Variants in MED12L observed in about 807,000 individuals in gnomAD.
MED12L encodes mediator of RNA polymerase II transcription subunit 12-like protein.
In MED12L, 60 loss-of-function variants were observed where a neutral mutation model predicts 281.3. The observed-to-expected ratio is 0.21, with a 90% CI of 0.17 to 0.26. MED12L has a LOEUF of 0.26. Among genes scored for constraint, MED12L ranks in the 10% least tolerant of loss-of-function variants. The pLI is 1.00. For synonymous variants in MED12L, 974 were observed against 987.2 expected (o/e 0.99, Z 0.25); for missense variants, 2,146 against 2,680.9 (o/e 0.80, Z 4.41).
At chr3:151,148,948 G>A (rs934511034) in intron 5 of MED12L, among the ~76,000 whole-genome samples, 3 of 152,202 alleles carry the variant, frequency 2.0e-5, no homozygotes, top group African/African-American at 7.2e-5. Flanking sequence ...TAGAGACAGT[G>A]TATTAGAGAA....
intron 16 of MED12L, chr3:151,269,654 A>G: frequency 5.0e-6 from 2 of 398,422 alleles, no homozygotes; most frequent in Non-Finnish European, 9.7e-6. Context: ...AGTTGAAGTG[A>G]CAGAATTTGG....
At chr3:151,329,599 T>G (rs1451018699) in intron 16 of MED12L, 2 of 1,141,278 alleles carry the variant, frequency 1.8e-6, no homozygotes, top group African/African-American at 3.1e-5. Flanking sequence ...TTCCTTATTT[T>G]TACTTATGTA....
At chr3:151,138,621 G>A (rs1387632940) in intron 5 of MED12L, among the ~76,000 whole-genome samples, 1 of 152,104 alleles carries the variant, frequency 6.6e-6, no homozygotes, top group Non-Finnish European at 1.5e-5. Context: ...ACAGTTTTGA[G>A]GAGTACTAGT....
At chr3:151,283,858 A>G (rs1041138885) in intron 16 of MED12L, among the ~76,000 whole-genome samples, 8 of 152,220 alleles carry the variant, frequency 5.3e-5, no homozygotes, top group Non-Finnish European at 1.2e-4. Flanking sequence ...AATCACTTGT[A>G]GTTGTACACT....
rs959492171 is a variant in MED12L at position 151,434,507 on chromosome 3, C to T, written c.*1703C>T. 4 of 93,484 alleles carry T rather than the reference C, an allele frequency of 4.3e-5. No homozygotes were observed. The highest frequency in any genetic ancestry group is 1.6e-4 in the African/African-American group (4 of 24,800). 5.8% of individuals were successfully genotyped at this position (93,484 alleles called of 1,614,324 possible). Reference sequence around the variant, plus strand: ...CTATTCTTTTCACTAAATTAATAGTCTATCTGCTTTCAGAAGATGTATCAT... The same window carrying T: ...CTATTCTTTTCACTAAATTAATAGTTTATCTGCTTTCAGAAGATGTATCAT... On this transcript the variant is annotated 3_prime_UTR_variant, in exon 45 of 45. Coordinates refer to ENST00000687756, the MANE Select transcript of MED12L (RefSeq NM_001393769.1).
At chr3:151,424,347 G>A (rs1458228395) in intron 43 of MED12L, among the ~76,000 whole-genome samples, 1 of 152,242 alleles carries the variant, frequency 6.6e-6, no homozygotes, top group East Asian at 1.9e-4. Flanking sequence ...TCTGCCGGAT[G>A]CAATGGCTCA....
chr3:151,207,642 G>T (rs1443131263), intron 16 of MED12L, among the ~76,000 whole-genome samples: 1 of 152,206 alleles, frequency 6.6e-6, no homozygotes, highest in African/African-American at 2.4e-5. Context: ...TGTCAATTGG[G>T]CAGTATTAGG....
At chr3:151,219,633 A>G (rs925497784) in intron 16 of MED12L, 16 of 152,162 alleles carry the variant, frequency 1.1e-4, no homozygotes, top group African/African-American at 3.9e-4. Context: ...GTGTTTTTTC[A>G]TTAAAGATCC....
chr3:151,366,662 T>A (rs987153396), intron 23 of MED12L, among the ~76,000 whole-genome samples: 2 of 152,160 alleles, frequency 1.3e-5, no homozygotes, highest in African/African-American at 2.4e-5. Context: ...CATAGTTCTT[T>A]ATACATCTTT....
At chr3:151,200,317 G>C (rs993648437) in intron 16 of MED12L, among the ~76,000 whole-genome samples, 7 of 152,152 alleles carry the variant, frequency 4.6e-5, no homozygotes, top group Non-Finnish European at 8.8e-5. Context: ...TAGAGCTAAG[G>C]GTACATTAGT....
intron 16 of MED12L, among the ~76,000 whole-genome samples, chr3:151,329,285 A>G (rs1272835140): frequency 6.6e-6 from 1 of 152,222 alleles, no homozygotes; most frequent in Non-Finnish European, 1.5e-5. Flanking sequence ...TGCTACTGTT[A>G]GCCATAAAAC....
chr3:151,114,744 G>C (rs1712459379), intron 2 of MED12L, among the ~76,000 whole-genome samples: 1 of 151,866 alleles, frequency 6.6e-6, no homozygotes, highest in Non-Finnish European at 1.5e-5. Context: ...AATCTGGGTA[G>C]GGCAAGAAGG....
intron 16 of MED12L, chr3:151,248,859 A>G (rs1240697323): frequency 6.6e-6 from 1 of 152,142 alleles, no homozygotes; most frequent in Non-Finnish European, 1.5e-5. Context: ...GAATTTTCTT[A>G]CTTACCAATT....
intron 16 of MED12L, among the ~76,000 whole-genome samples, chr3:151,308,878 A>G (rs2149765017): frequency 6.6e-6 from 1 of 152,282 alleles, no homozygotes; most frequent in East Asian, 1.9e-4. Context: ...TGTTTAAGTT[A>G]ATGGAGTAAG....
At chr3:151,238,689 TAAAC>T (rs1204416556) in intron 16 of MED12L, among the ~76,000 whole-genome samples, 3 of 152,182 alleles carry the variant, frequency 2.0e-5, no homozygotes, top group Non-Finnish European at 4.4e-5. Flanking sequence ...CATACAATCT[TAAAC>T]AAGAAAAGAA....
At chr3:151,416,488 T>C (rs1717572770) in intron 43 of MED12L, 66 bp downstream of exon 43, 1 of 1,536,298 alleles carries the variant, frequency 6.5e-7, no homozygotes, top group Non-Finnish European at 8.9e-7. Flanking sequence ...GCATTGTTCA[T>C]GTTCATAAGA....
chr3:151,400,724 T>G (rs887742282), intron 39 of MED12L, among the ~76,000 whole-genome samples: 13 of 152,232 alleles, frequency 8.5e-5, no homozygotes, highest in African/African-American at 2.9e-4. Context: ...CTTTGTTCGG[T>G]AATTGATCTC....
intron 39 of MED12L, among the ~76,000 whole-genome samples, chr3:151,396,134 A>G (rs1714934956): frequency 6.6e-6 from 1 of 152,246 alleles, no homozygotes; most frequent in East Asian, 1.9e-4. Flanking sequence ...TTTGATTAAA[A>G]TATGAAAAAA....
chr3:151,343,120 C>G (rs17282940), intron 16 of MED12L, among the ~76,000 whole-genome samples: 5 of 152,082 alleles, frequency 3.3e-5, no homozygotes, highest in African/African-American at 7.2e-5. Context: ...AAGTGAATCT[C>G]GTGTGGGATG....
Sources: gnomAD v4.1 joint callset for allele counts (sites outside exome capture counted in the v4.1 genomes callset) on GRCh38, gnomAD v4.1.1 for gene constraint, MANE v1.5 for transcripts, NCBI Gene and HGNC (gene_info 2026-07-23, HGNC 2026-07-21) for gene names.